IZUMO2: variants seen among roughly 807,000 people sequenced by gnomAD.
IZUMO2 encodes the protein IZUMO family member 2.
Under a neutral mutation model 31.2 loss-of-function variants are expected in IZUMO2, and 24 were observed. The observed-to-expected ratio is 0.77, with a 90% CI of 0.56 to 1.08. IZUMO2 has a LOEUF of 1.08. Among genes scored for constraint, IZUMO2 ranks in the 50% least tolerant of loss-of-function variants. The pLI, the probability that IZUMO2 is intolerant of heterozygous loss-of-function variation, is 0.00. For missense variants in IZUMO2, 278 were observed against 274.0 expected (o/e 1.01, Z -0.10); for synonymous variants, 144 against 117.3 (o/e 1.23, Z -1.47).
At chr19:50,158,608 T>C (rs1045043594) in intron 4 of IZUMO2, among the ~76,000 whole-genome samples, 2 of 152,238 alleles carry the variant, frequency 1.3e-5, no homozygotes, top group African/African-American at 4.8e-5. Context: ...ATTTGTTAAT[T>C]CTGAGTTTGC....
intron 3 of IZUMO2, 114 bp from the exon 4 acceptor site, chr19:50,159,364 G>A (rs1224003069): frequency 5.4e-6 from 7 of 1,298,010 alleles, no homozygotes; most frequent in Non-Finnish European, 7.7e-6. Context: ...GAGAAGGGAA[G>A]ATTGGGGAGA....
chr19:50,154,886 A>G (rs1160176135), intron 5 of IZUMO2, among the ~76,000 whole-genome samples, 160 bp from the exon 6 acceptor site: 1 of 152,074 alleles, frequency 6.6e-6, no homozygotes, highest in Non-Finnish European at 1.5e-5. Flanking sequence ...CTGGGGTCTG[A>G]GTCTCCATTT....
intron 2 of IZUMO2, 31 bp downstream of exon 2, chr19:50,162,708 G>C (rs1333226702): frequency 1.9e-6 from 3 of 1,564,918 alleles, no homozygotes; most frequent in Non-Finnish European, 2.6e-6. Context: ...GAAGAGGGGT[G>C]CTGGAGAAGG....
At chr19:50,159,204 G>A (rs1206189918) in intron 4 of IZUMO2, 26 bp downstream of exon 4, 3 of 1,607,462 alleles carry the variant, frequency 1.9e-6, no homozygotes, top group Non-Finnish European at 2.5e-6. Context: ...GGTAGAGAAG[G>A]GAGAGATAGA....
At position 50,163,135 on chromosome 19, in the gene IZUMO2, G is replaced by A. The variant is rs1402910121; in HGVS notation, c.60C>T (p.Gly20=). The change falls in exon 1 of 7, where the codon GGC becomes GGT. Residue 20 remains glycine, a synonymous_variant. Coordinates refer to ENST00000293405, the MANE Select transcript of IZUMO2 (RefSeq NM_152358.3). ...LSGLGAPGGW[G]CLQCDPLVLE... ...GCACCAAGGGGTCGCACTGCAGGCA[G>A]CCCCAGCCTCCGGGGGCGCCCAAGC... 6.3e-7 allele frequency: 1 copy of A among 1,590,650 alleles called. No individual in the cohort carries two copies. Among genetic ancestry groups the A allele is most frequent in the Non-Finnish European group, 8.6e-7 (1 of 1,169,440 alleles).
At chr19:50,158,054 G>A (rs2030272952) in intron 5 of IZUMO2, among the ~76,000 whole-genome samples, 1 of 152,120 alleles carries the variant, frequency 6.6e-6, no homozygotes, top group Admixed American at 6.6e-5. Flanking sequence ...GGAGCTAGGG[G>A]CATTCTAAAG....
rs532362377 is a variant in IZUMO2 at position 50,159,134 on chromosome 19, A to G, written c.415+96T>C. The G allele has an allele frequency of 2.6e-5, 33 of 1,258,152 alleles. No individual in the cohort carries two copies. The East Asian group carries it at 6.4e-4, about 24-fold the overall frequency. 77.9% of individuals were successfully genotyped at this position (1,258,152 alleles called of 1,614,324 possible). On this transcript the variant is annotated intron_variant, in intron 4 of 6. Transcript: ENST00000293405. ...GGCTTTGGGGTAAGGGAACTGCCAA[A>G]TGGAGTAAGGAGTGGTAGCCAGGCT...
At chr19:50,158,240 A>G (rs1183548374) in intron 5 of IZUMO2, 28 bp downstream of exon 5, 2 of 1,501,176 alleles carry the variant, frequency 1.3e-6, no homozygotes, top group Admixed American at 1.7e-5. Flanking sequence ...CGCCTGTCCC[A>G]TGTCTTCCCC....
At chr19:50,155,301 G>A (rs1274920293) in intron 5 of IZUMO2, among the ~76,000 whole-genome samples, 1 of 152,190 alleles carries the variant, frequency 6.6e-6, no homozygotes, top group Non-Finnish European at 1.5e-5. Context: ...AGGAGGCTGA[G>A]GTGGGAGGAT....
chr19:50,156,098 C>A (rs1289651983), intron 5 of IZUMO2, among the ~76,000 whole-genome samples: 1 of 152,148 alleles, frequency 6.6e-6, no homozygotes, highest in South Asian at 2.1e-4. Flanking sequence ...ATCTACCAAA[C>A]CATTCTATTT....
At chr19:50,158,642 C>G (rs1353775360) in intron 4 of IZUMO2, among the ~76,000 whole-genome samples, 1 of 152,212 alleles carries the variant, frequency 6.6e-6, no homozygotes, top group East Asian at 1.9e-4. Context: ...TAATTTGGAG[C>G]CTCTTTTGCA....
At position 50,163,151 on chromosome 19, in the gene IZUMO2, G is replaced by C; in HGVS notation, c.44C>G (p.Ala15Gly). 1 of 1,574,064 alleles carries C rather than the reference G, an allele frequency of 6.4e-7. No individual in the cohort carries two copies. The highest frequency in any genetic ancestry group is 2.4e-5 in the East Asian group (1 of 42,406). ...LTLLLLSGLG[A>G]PGGWGCLQCD... ...CTGCAGGCAGCCCCAGCCTCCGGGG[G>C]CGCCCAAGCCCGAGAGCAGCAGAAG... The change falls in exon 1 of 7, where the codon GCC becomes GGC. Residue 15 changes from alanine to glycine, a missense_variant. Transcript: ENST00000293405.
chr19:50,156,736 C>G (rs2030224326), intron 5 of IZUMO2, among the ~76,000 whole-genome samples: 1 of 151,948 alleles, frequency 6.6e-6, no homozygotes, highest in Non-Finnish European at 1.5e-5. Context: ...ACCAGCCTGG[C>G]CAACATGGCA....
intron 6 of IZUMO2, 114 bp from the exon 7 acceptor site, chr19:50,152,765 C>T: frequency 4.3e-6 from 4 of 927,620 alleles, no homozygotes; most frequent in Non-Finnish European, 7.0e-6. Flanking sequence ...CCTGATTTGG[C>T]TCATCCAGTG....
Position 50,159,491 on chromosome 19 carries a change from C to T in IZUMO2, c.394+3G>A, listed in dbSNP as rs775811923. 11 of 1,596,324 alleles carry T rather than the reference C, an allele frequency of 6.9e-6. No individual in the cohort carries two copies. Among genetic ancestry groups the T allele is most frequent in the African/African-American group, 6.7e-5 (5 of 74,542 alleles). On this transcript the variant is annotated splice_donor_region_variant and intron_variant, in intron 3 of 6. Transcript: ENST00000293405. Reference sequence around the variant, plus strand: ...AGGGGATTGGTGGAGAGATATGCTGCACCTTTTAATTCATATGAAATTAAA... The same window carrying T: ...AGGGGATTGGTGGAGAGATATGCTGTACCTTTTAATTCATATGAAATTAAA...
chr19:50,159,645 G>C, intron 2 of IZUMO2, 65 bp from the exon 3 acceptor site: 2 of 909,264 alleles, frequency 2.2e-6, no homozygotes, highest in Admixed American at 4.0e-5. Flanking sequence ...ACTACCTGAA[G>C]CTTCCAGGAG....
At position 50,162,970 on chromosome 19, in the gene IZUMO2, C is replaced by T. The variant is rs1483499986; in HGVS notation, c.225G>A (p.Gly75=). Residue 75 remains glycine, a synonymous_variant, in exon 1 of 7, where the codon GGG becomes GGA. Coordinates refer to ENST00000293405, the MANE Select transcript of IZUMO2 (RefSeq NM_152358.3). ...FRDYALNVFV[G]KVETNQLDLV... ...ATTTCTCCCAACACGCACCCACTTT[C>T]CCCACAAACACGTTCAGCGCGTAGT... 4 of 1,613,448 alleles carry T rather than the reference C, an allele frequency of 2.5e-6. No individual in the cohort carries two copies. The African/African-American group carries it at 4.0e-5, about 16-fold the overall frequency.
chr19:50,159,343 C>T (rs1363209663), intron 3 of IZUMO2, 93 bp from the exon 4 acceptor site: 10 of 1,416,324 alleles, frequency 7.1e-6, no homozygotes, highest in African/African-American at 1.4e-5. Context: ...AGGGGTGAGG[C>T]TGGGAAAGGA....
intron 5 of IZUMO2, among the ~76,000 whole-genome samples, chr19:50,157,165 C>G (rs2030236561): frequency 6.6e-6 from 1 of 151,992 alleles, no homozygotes; most frequent in Non-Finnish European, 1.5e-5. Flanking sequence ...ATCAGAGAGG[C>G]CTGTCTGAGG....
Sources: gnomAD v4.1 joint callset for allele counts (sites outside exome capture counted in the v4.1 genomes callset) on GRCh38, gnomAD v4.1.1 for gene constraint, MANE v1.5 for transcripts, NCBI Gene and HGNC (gene_info 2026-07-23, HGNC 2026-07-21) for gene names.